The following RBFOX1 variants were observed in gnomAD, a reference collection of about 807,000 sequenced individuals.
The protein encoded by RBFOX1 is RNA binding fox-1 homolog 1.
In RBFOX1, 8 loss-of-function variants were observed where a neutral mutation model predicts 57.7. The ratio of observed to expected loss-of-function variants is 0.14; its 90% CI spans 0.08 to 0.25. RBFOX1 has a LOEUF of 0.25. Among genes scored for constraint, RBFOX1 ranks in the 10% least tolerant of loss-of-function variants. The probability of loss-of-function intolerance (pLI) is 1.00; values close to 1 mark genes in which losing one functional copy is unlikely to be tolerated. For missense variants in RBFOX1, 611 were observed against 548.5 expected (o/e 1.11, Z -1.14); for synonymous variants, 326 against 222.4 (o/e 1.47, Z -4.15).
chr16:5,441,372 T>G (rs1319653226), intron 1 of RBFOX1, among the ~76,000 whole-genome samples: 1 of 150,520 alleles, frequency 6.6e-6, no homozygotes, highest in African/African-American at 2.5e-5. Flanking sequence ...GGTTTTTTTT[T>G]TTTTTTTTTT....
At chr16:6,558,782 C>T (rs1226400440) in intron 2 of RBFOX1, among the ~76,000 whole-genome samples, 1 of 150,608 alleles carries the variant, frequency 6.6e-6, no homozygotes, top group Non-Finnish European at 1.5e-5. Flanking sequence ...CACCCCCACC[C>T]CCTGACTTAA....
intron 1 of RBFOX1, among the ~76,000 whole-genome samples, chr16:6,035,971 A>C (rs1248433278): frequency 2.0e-5 from 3 of 152,198 alleles, no homozygotes. Context: ...TGGGTGCCTG[A>C]AGAATACTCC....
intron 3 of RBFOX1, among the ~76,000 whole-genome samples, chr16:5,835,525 C>T (rs1468130362): frequency 6.6e-6 from 1 of 152,090 alleles, no homozygotes; most frequent in Non-Finnish European, 1.5e-5. Context: ...GTCCAGATTC[C>T]CAGGACCCTC....
Position 6,512,283 on chromosome 16 carries a change from C to CAAAAAAAAAAAAAAAAAAA in RBFOX1, c.-63-142304_-63-142303insAAAAAAAAAAAAAAAAAAA, listed in dbSNP as rs565248640. 3.1e-4 allele frequency among the ~76,000 whole-genome samples: 27 copies of CAAAAAAAAAAAAAAAAAAA among 86,944 alleles called. 2 individuals are homozygous for CAAAAAAAAAAAAAAAAAAA. Among genetic ancestry groups the CAAAAAAAAAAAAAAAAAAA allele is most frequent in the African/African-American group, 8.9e-4 (18 of 20,154 alleles). The allele number at this position is 86,944 out of a possible 152,430, so 57.0% of individuals were successfully genotyped here. A position where few individuals can be genotyped will look rare whatever the true frequency, so the allele number is the denominator to read the frequency against. ...TGGGTAACAGAGCAAGACCCTGTAT[C>CAAAAAAAAAAAAAAAAAAA]AAAAAAAAAAAAAAAAGGTAAGAGA... On this transcript the variant is annotated intron_variant, in intron 2 of 15. Coordinates refer to ENST00000550418, the MANE Select transcript of RBFOX1 (RefSeq NM_018723.4).
At chr16:7,582,863 C>G (rs1186772428) in intron 6 of RBFOX1, among the ~76,000 whole-genome samples, 1 of 152,110 alleles carries the variant, frequency 6.6e-6, no homozygotes, top group Non-Finnish European at 1.5e-5. Flanking sequence ...ATTTCAAAGT[C>G]AAAAGCAAAA....
chr16:5,247,008 C>T (rs1596297027), intron 1 of RBFOX1, among the ~76,000 whole-genome samples: 1 of 152,280 alleles, frequency 6.6e-6, no homozygotes, highest in East Asian at 1.9e-4. Context: ...TAAGTGAGAT[C>T]AGGTGGTATT....
At chr16:5,553,734 T>C (rs998600301) in intron 2 of RBFOX1, among the ~76,000 whole-genome samples, 2 of 110,080 alleles carry the variant, frequency 1.8e-5, no homozygotes, top group African/African-American at 6.9e-5. Context: ...TATATATGTA[T>C]ATATATGTGT....
intron 2 of RBFOX1, among the ~76,000 whole-genome samples, chr16:5,568,891 A>C (rs1596308065): frequency 6.6e-6 from 1 of 152,084 alleles, no homozygotes; most frequent in South Asian, 2.1e-4. Flanking sequence ...CCCAGGTTGG[A>C]GTGCAGTGAC....
intron 1 of RBFOX1, among the ~76,000 whole-genome samples, chr16:5,325,927 C>G (rs976792094): frequency 6.6e-6 from 1 of 152,166 alleles, no homozygotes; most frequent in Non-Finnish European, 1.5e-5. Context: ...GTTTTCATTT[C>G]TTAAGGGTAA....
At chr16:6,441,640 A>G (rs2094384623) in intron 2 of RBFOX1, among the ~76,000 whole-genome samples, 1 of 150,224 alleles carries the variant, frequency 6.7e-6, no homozygotes, top group Non-Finnish European at 1.5e-5. Context: ...CTGATCTTGA[A>G]CTCCTCACCT....
chr16:5,846,342 C>T (rs1433890037), intron 3 of RBFOX1, among the ~76,000 whole-genome samples: 1 of 152,022 alleles, frequency 6.6e-6, no homozygotes, highest in East Asian at 1.9e-4. Context: ...ATTCTTAACA[C>T]AGTGGGAAAG....
At chr16:5,363,230 A>T (rs1302007014) in intron 1 of RBFOX1, among the ~76,000 whole-genome samples, 1 of 146,590 alleles carries the variant, frequency 6.8e-6, no homozygotes, top group Admixed American at 6.8e-5. Context: ...TTTTTAGTAG[A>T]GACAGGATTT....
At chr16:5,884,469 C>G (rs1416301930) in intron 4 of RBFOX1, among the ~76,000 whole-genome samples, 1 of 149,408 alleles carries the variant, frequency 6.7e-6, no homozygotes, top group African/African-American at 2.5e-5. Flanking sequence ...CCACCACCCC[C>G]CTACCCCCGC....
chr16:5,715,309 C>T (rs1270115602), intron 3 of RBFOX1, among the ~76,000 whole-genome samples: 1 of 152,074 alleles, frequency 6.6e-6, no homozygotes, highest in Admixed American at 6.6e-5. Context: ...TGTGGGTGTC[C>T]ACTGGGCTCC....
chr16:7,328,477 CAAAAA>C (rs58553232), intron 4 of RBFOX1, among the ~76,000 whole-genome samples: 7 of 60,748 alleles, frequency 1.2e-4, no homozygotes, highest in Admixed American at 1.1e-3. Flanking sequence ...GACTCTGTCT[CAAAAA>C]AAAAAAAAAA....
intron 5 of RBFOX1, among the ~76,000 whole-genome samples, chr16:7,556,229 C>T (rs549531810): frequency 6.6e-5 from 10 of 152,242 alleles, no homozygotes; most frequent in Admixed American, 2.6e-4. Context: ...CGCAGCTCTT[C>T]GGTCAAATCT....
chr16:7,549,099 G>C (rs1047049468), intron 5 of RBFOX1, among the ~76,000 whole-genome samples: 3 of 152,370 alleles, frequency 2.0e-5, no homozygotes, highest in African/African-American at 7.2e-5. Flanking sequence ...GACTAAGTAT[G>C]AGGAGGATCC....
In RBFOX1 at chr16:7,221,254, T is replaced by A. The variant is rs150183220; in HGVS notation, c.27+169156T>A. On this transcript the variant is annotated intron_variant, in intron 4 of 15. Coordinates refer to ENST00000550418, the MANE Select transcript of RBFOX1 (RefSeq NM_018723.4). ...GTAAAGTGTTAGAATAAGGGCTTCA[T>A]AGCCACAAGGAGGGTCTCAGAAGGT... 8.4e-3 allele frequency among the ~76,000 whole-genome samples: 1,286 copies of A among 152,330 alleles called. 19 individuals carry two copies. The highest frequency in any genetic ancestry group is 0.025 in the African/African-American group (1,032 of 41,572).
rs113303473 is a variant in RBFOX1, at chr16:6,721,207, C to T, written c.-16+66557C>T. 3.5e-3 allele frequency among the ~76,000 whole-genome samples: 538 copies of T among 152,254 alleles called. 4 individuals carry two copies. The highest frequency in any genetic ancestry group is 0.012 in the African/African-American group (486 of 41,550). ...CCTATAATCCCAGTACTTTGGAAGGCCAAGGCAGGTGGATCACCTGAGGTC... is the reference window on the plus strand; with the variant it reads ...CCTATAATCCCAGTACTTTGGAAGGTCAAGGCAGGTGGATCACCTGAGGTC... On this transcript the variant is annotated intron_variant, in intron 3 of 15. Transcript: ENST00000550418.
Sources: allele counts gnomAD v4.1 joint callset (sites outside exome capture counted in the v4.1 genomes callset), GRCh38; gene constraint gnomAD v4.1.1; transcripts MANE v1.5; gene names NCBI Gene and HGNC (gene_info 2026-07-23, HGNC 2026-07-21).